ANK3: variants seen among roughly 807,000 people sequenced by gnomAD.
ANK3 encodes the protein ankyrin-3.
In ANK3, 57 loss-of-function variants were observed where a neutral mutation model predicts 370.9. That is an observed-to-expected ratio of 0.15 (90% CI 0.12 to 0.19). The LOEUF (loss-of-function observed/expected upper bound fraction) is 0.19. ANK3 is among the 10% of genes least tolerant of loss of function. ANK3 has a pLI of 1.00. For missense variants in ANK3, 4,439 were observed against 5,302.1 expected, an observed-to-expected ratio of 0.84 and a Z score of 5.06; for synonymous variants, 1,929 against 1,946.3, an observed-to-expected ratio of 0.99 and a Z score of 0.23.
chr10:60,354,023 C>T (rs965204200), intron 1 of ANK3, among the ~76,000 whole-genome samples: 15 of 152,204 alleles, frequency 9.9e-5, no homozygotes, highest in African/African-American at 3.6e-4. Flanking sequence ...TTGCCTCCTG[C>T]ACAGCATTGT....
chr10:60,510,684 G>T (rs2076056452), intron 2 of ANK3, among the ~76,000 whole-genome samples: 2 of 152,146 alleles, frequency 1.3e-5, no homozygotes, highest in Admixed American at 6.6e-5. Context: ...GCCAGCCATG[G>T]TGGCAGATGC....
intron 1 of ANK3, among the ~76,000 whole-genome samples, chr10:60,366,503 C>T (rs750391016): frequency 1.3e-5 from 2 of 152,098 alleles, no homozygotes; most frequent in African/African-American, 4.8e-5. Context: ...CCTTTCTTTC[C>T]TGCTTTCACC....
intron 1 of ANK3, among the ~76,000 whole-genome samples, chr10:60,639,261 T>C (rs1046933960): frequency 1.3e-5 from 2 of 151,290 alleles, no homozygotes. Flanking sequence ...TAGAATTCTA[T>C]ATTCAGCAAA....
chr10:60,598,922 T>C (rs1316533042), intron 2 of ANK3, among the ~76,000 whole-genome samples: 1 of 152,130 alleles, frequency 6.6e-6, no homozygotes, highest in East Asian at 1.9e-4. Context: ...TGGTAGTTAT[T>C]TGTGTTGTTG....
At chr10:60,432,646 C>T (rs2064055138) in intron 2 of ANK3, among the ~76,000 whole-genome samples, 1 of 152,164 alleles carries the variant, frequency 6.6e-6, no homozygotes, top group Non-Finnish European at 1.5e-5. Flanking sequence ...ACTTTTAGAA[C>T]ACGGAGTTGC....
At position 60,139,095 on chromosome 10, in the gene ANK3, T is replaced by C. The variant is rs1451002720; in HGVS notation, c.2615-8A>G. The C allele has an allele frequency of 6.2e-7, 1 of 1,613,102 alleles. No homozygotes were observed. Among genetic ancestry groups the C allele is most frequent in the East Asian group, 2.2e-5 (1 of 44,860 alleles). The stretch of plus-strand genomic sequence containing the variant: ...CGGTCATTGCATCTTCACCTGCAGA[T>C]GTAGAGAGTAAGCCCACATCAAAAG... On this transcript the variant is annotated splice_polypyrimidine_tract_variant and splice_region_variant and intron_variant, in intron 23 of 43. Coordinates refer to ENST00000280772, the MANE Select transcript of ANK3 (RefSeq NM_020987.5).
In ANK3 at chr10:60,389,416, C is replaced by T. The variant is rs199550140; in HGVS notation, c.114+9G>A. The T allele has an allele frequency of 5.6e-6, 9 of 1,612,586 alleles. No homozygotes were observed. In the East Asian group the frequency reaches 8.9e-5, roughly 16 times the overall value. Reference sequence around the variant, plus strand: ...CAGGCAAGATATATGCTCTGGCATACATAGATACCTTTTTCTTCCGATCCC... The same window carrying T: ...CAGGCAAGATATATGCTCTGGCATATATAGATACCTTTTTCTTCCGATCCC... On this transcript the variant is annotated intron_variant, in intron 1 of 43. Transcript: ENST00000280772.
intron 1 of ANK3, among the ~76,000 whole-genome samples, chr10:60,728,576 A>AT (rs1264762607): frequency 6.6e-6 from 1 of 152,184 alleles, no homozygotes; most frequent in Non-Finnish European, 1.5e-5. Context: ...CAGCATTTAA[A>AT]TTTTTTTAAA....
chr10:60,335,469 G>C (rs887448815), intron 1 of ANK3, among the ~76,000 whole-genome samples: 1 of 152,126 alleles, frequency 6.6e-6, no homozygotes, highest in African/African-American at 2.4e-5. Flanking sequence ...TGAGAAGTCA[G>C]GCCTGGACCA....
chr10:60,244,688 T>C (rs183746414), intron 7 of ANK3, among the ~76,000 whole-genome samples: 3 of 152,222 alleles, frequency 2.0e-5, no homozygotes, highest in Non-Finnish European at 2.9e-5. Flanking sequence ...GAAAAATGAT[T>C]AGTGAATACG....
At chr10:60,052,326 T>TCAACAACAA (rs533908310) in intron 42 of ANK3, among the ~76,000 whole-genome samples, 1 of 152,028 alleles carries the variant, frequency 6.6e-6, no homozygotes, top group African/African-American at 2.4e-5. Context: ...AGACTCCGTC[T>TCAACAACAA]CAACAACAAC....
chr10:60,422,866 T>C (rs1461234283), intron 2 of ANK3, among the ~76,000 whole-genome samples: 1 of 152,150 alleles, frequency 6.6e-6, no homozygotes, highest in East Asian at 1.9e-4. Flanking sequence ...ACGTGAAAAT[T>C]TTGCTTTGAC....
chr10:60,379,272 G>A (rs1468363755), intron 1 of ANK3, among the ~76,000 whole-genome samples: 1 of 152,138 alleles, frequency 6.6e-6, no homozygotes, highest in African/African-American at 2.4e-5. Context: ...TGGTGGGAAT[G>A]TAAACTAGTA....
chr10:60,616,786 T>C (rs1315565177), intron 1 of ANK3, among the ~76,000 whole-genome samples: 2 of 152,160 alleles, frequency 1.3e-5, no homozygotes, highest in East Asian at 3.8e-4. Flanking sequence ...TCAAAATCTA[T>C]AGATTGCTCA....
At chr10:60,106,139 G>C in intron 27 of ANK3, 80 bp from the exon 28 acceptor site, 2 of 1,296,588 alleles carry the variant, frequency 1.5e-6, no homozygotes, top group South Asian at 3.0e-5. Flanking sequence ...TTCGTTAACA[G>C]TATTCATTTG....
At chr10:60,321,428 A>G (rs2048647826) in intron 1 of ANK3, among the ~76,000 whole-genome samples, 1 of 145,386 alleles carries the variant, frequency 6.9e-6, no homozygotes, top group South Asian at 2.3e-4. Flanking sequence ...AAAAGAAAAG[A>G]AAAGAAAAGG....
intron 7 of ANK3, among the ~76,000 whole-genome samples, chr10:60,248,473 T>C (rs1370562935): frequency 6.6e-6 from 1 of 152,170 alleles, no homozygotes; most frequent in Non-Finnish European, 1.5e-5. Flanking sequence ...GCACTAAAGA[T>C]TGACATAGTA....
At chr10:60,361,621 T>A (rs1009749240) in intron 1 of ANK3, among the ~76,000 whole-genome samples, 33 of 152,308 alleles carry the variant, frequency 2.2e-4, no homozygotes, top group African/African-American at 7.5e-4. Flanking sequence ...GAGTTTGTAG[T>A]CAGGGATATC....
At position 60,193,655 on chromosome 10, in the gene ANK3, T is replaced by G. The variant is rs1241399785; in HGVS notation, c.1887+2490A>C. Among the ~76,000 whole-genome samples the G allele has an allele frequency of 3.3e-5, 5 of 150,498 alleles. No homozygotes were observed. In the East Asian group the frequency reaches 1.0e-3, roughly 30 times the overall value. On this transcript the variant is annotated intron_variant, in intron 16 of 43. Coordinates refer to ENST00000280772, the MANE Select transcript of ANK3 (RefSeq NM_020987.5). Reference sequence around the variant, plus strand: ...GGGTGACAAAAAAAAAAAAAAATTATTTGTGAGTAGAAAGAGAGATTGGAG... The same window carrying G: ...GGGTGACAAAAAAAAAAAAAAATTAGTTGTGAGTAGAAAGAGAGATTGGAG...
Sources: gnomAD v4.1 joint callset for allele counts (sites outside exome capture counted in the v4.1 genomes callset) on GRCh38, gnomAD v4.1.1 for gene constraint, MANE v1.5 for transcripts, NCBI Gene and HGNC (gene_info 2026-07-23, HGNC 2026-07-21) for gene names.